Variants in EPB41 observed in about 807,000 individuals in gnomAD.
EPB41 encodes the protein erythrocyte membrane protein band 4.1, also known as protein 4.1.
In EPB41, 65 loss-of-function variants were observed where a neutral mutation model predicts 108.0. The observed-to-expected ratio is 0.60, with a 90% CI of 0.49 to 0.74. The LOEUF (loss-of-function observed/expected upper bound fraction) is 0.74, where lower values mean the gene tolerates loss of function less well. Ranked by LOEUF, EPB41 falls within the 30% of genes least tolerant of loss-of-function variation. The pLI is 0.00. For missense variants in EPB41, 875 were observed against 1,037.0 expected, an observed-to-expected ratio of 0.84 and a Z score of 2.15; for synonymous variants, 336 against 358.9, an observed-to-expected ratio of 0.94 and a Z score of 0.72.
At chr1:29,104,446 G>C (rs182737304) in intron 17 of EPB41, among the ~76,000 whole-genome samples, 74 of 152,160 alleles carry the variant, frequency 4.9e-4, no homozygotes, top group Middle Eastern at 6.8e-3. Flanking sequence ...ACAGGGTCTC[G>C]CACTGTTGCC....
intron 12 of EPB41, among the ~76,000 whole-genome samples, chr1:29,054,693 T>TA (rs1019417593): frequency 2.6e-5 from 4 of 151,544 alleles, no homozygotes; most frequent in Non-Finnish European, 5.9e-5. Context: ...CTACAAAAAA[T>TA]AAAAAAACTA....
chr1:29,011,945 T>G, intron 5 of EPB41, 38 bp downstream of exon 5: 1 of 1,608,280 alleles, frequency 6.2e-7, no homozygotes, highest in East Asian at 2.2e-5. Context: ...TCTTTCTTTC[T>G]TTTAGTAGGT....
rs1042241678 is a variant in EPB41, at chr1:28,982,527, G to A, written c.-7-4904G>A. ...GGCAATCTGAGGTGCTATCATCAAT[G>A]TTCTTCACGATGACGGCTTTGCATC... On this transcript the variant is annotated intron_variant, in intron 1 of 20. Transcript: ENST00000343067. 3 of 1,078,164 alleles carry A rather than the reference G, an allele frequency of 2.8e-6. No individual in the cohort carries two copies. The African/African-American group carries it at 4.7e-5, about 17-fold the overall frequency. 66.8% of individuals were successfully genotyped at this position (1,078,164 alleles called of 1,614,324 possible).
intron 1 of EPB41, among the ~76,000 whole-genome samples, chr1:28,983,070 AGATATTATCAATG>A (rs2095795984): frequency 6.6e-6 from 1 of 152,202 alleles, no homozygotes; most frequent in African/African-American, 2.4e-5. Flanking sequence ...TGTGGCACAG[AGATATTATCAATG>A]GAGATACCCA....
chr1:28,993,332 T>C lies in EPB41; in HGVS notation c.471T>C (p.Pro157=). 6.2e-7 allele frequency: 1 copy of C among 1,612,356 alleles called. No homozygotes were observed. Among genetic ancestry groups the C allele is most frequent in the Non-Finnish European group, 8.5e-7 (1 of 1,179,862 alleles). The part of the protein sequence containing the change: ...LHSLSSAETQ[P]AQEELREDPD... Reference sequence around the variant, plus strand: ...TTGGCGATGTCATGGATATGTAGCCTGCTCAGGAAGAACTCAGAGAAGATC... The same window carrying C: ...TTGGCGATGTCATGGATATGTAGCCCGCTCAGGAAGAACTCAGAGAAGATC... The change falls in exon 3 of 21, where the codon CCT becomes CCC. Residue 157 remains proline, a splice_region_variant and synonymous_variant. Coordinates refer to ENST00000343067, the MANE Select transcript of EPB41 (RefSeq NM_001376013.1).
intron 18 of EPB41, 23 bp from the exon 19 acceptor site, chr1:29,112,345 T>A: frequency 6.3e-7 from 1 of 1,587,316 alleles, no homozygotes; most frequent in Non-Finnish European, 8.7e-7. Flanking sequence ...TGATCTCATA[T>A]GACATCTTCT....
intron 11 of EPB41, among the ~76,000 whole-genome samples, chr1:29,042,381 A>G (rs748429385): frequency 1.3e-5 from 2 of 152,206 alleles, no homozygotes; most frequent in Non-Finnish European, 2.9e-5. Flanking sequence ...TAGAGGAATC[A>G]GGAAGGGGTC....
chr1:28,937,190 T>C (rs1208066268), intron 1 of EPB41, among the ~76,000 whole-genome samples: 1 of 152,256 alleles, frequency 6.6e-6, no homozygotes, highest in African/African-American at 2.4e-5. Flanking sequence ...TTTCATGTGC[T>C]ATTGGCCATT....
intron 1 of EPB41, among the ~76,000 whole-genome samples, chr1:28,948,505 C>CAAAAAAA (rs34508731): frequency 1.1e-4 from 10 of 90,994 alleles, no homozygotes; most frequent in East Asian, 3.1e-4. Flanking sequence ...GACTCCGTAT[C>CAAAAAAA]AAAAAAAAAA....
chr1:28,887,320 GGGTCGAA>G lies in EPB41; in HGVS notation c.-8+113_-8+119del. On this transcript the variant is annotated intron_variant, in intron 1 of 16. Transcript: ENST00000347529. The surrounding 1 kb of genome is among the most constrained non-coding windows in gnomAD (Gnocchi z 4.9). ...GACCGTCCCGGGAGAGGCGAGACCA[GGGTCGAA>G]GGGTCCAGGGCTGAGGGGTCCAGCG... 1 of 1,199,848 alleles carries G rather than the reference GGGTCGAA, an allele frequency of 8.3e-7. No individual in the cohort carries two copies. Among genetic ancestry groups the G allele is most frequent in the South Asian group, 1.5e-5 (1 of 67,944 alleles). 74.3% of individuals were successfully genotyped at this position (1,199,848 alleles called of 1,614,324 possible).
intron 1 of EPB41, among the ~76,000 whole-genome samples, chr1:28,974,390 T>TCA (rs1436617407): frequency 6.6e-6 from 1 of 152,212 alleles, no homozygotes; most frequent in African/African-American, 2.4e-5. Context: ...GTCAAGGACT[T>TCA]AAGATCCTTT....
At chr1:29,003,956 T>C (rs566643971) in intron 4 of EPB41, among the ~76,000 whole-genome samples, 14 of 152,170 alleles carry the variant, frequency 9.2e-5, no homozygotes, top group African/African-American at 3.4e-4. Flanking sequence ...ATAGACAGAG[T>C]TTCACCATGT....
chr1:29,094,995 G>C (rs546786375), intron 16 of EPB41, among the ~76,000 whole-genome samples: 34 of 152,168 alleles, frequency 2.2e-4, no homozygotes, highest in African/African-American at 7.5e-4. Flanking sequence ...TAAATGCTAT[G>C]TAAATAGTTG....
At chr1:29,024,407 G>A (rs1402375443) in intron 7 of EPB41, among the ~76,000 whole-genome samples, 1 of 151,756 alleles carries the variant, frequency 6.6e-6, no homozygotes, top group African/African-American at 2.4e-5. Context: ...GCTGAGGCAG[G>A]TGGATCACGA....
At position 28,969,279 on chromosome 1, in the gene EPB41, C is replaced by T. The variant is rs528219184; in HGVS notation, c.-7-18152C>T. On this transcript the variant is annotated intron_variant, in intron 1 of 20. Transcript: ENST00000343067. ...TTTGTATTTTTAATAGAGACAGGGT[C>T]TCACCATGTTGACCAGGCTAGTCTC... 2.0e-5 allele frequency among the ~76,000 whole-genome samples: 3 copies of T among 151,758 alleles called. No individual in the cohort carries two copies. The East Asian group carries it at 6.0e-4, about 30-fold the overall frequency.
intron 2 of EPB41, chr1:28,989,306 C>A: frequency 2.6e-6 from 2 of 772,394 alleles, no homozygotes; most frequent in Non-Finnish European, 3.1e-6. Context: ...AATGGGAAAA[C>A]ATTAGTACTG....
At chr1:29,048,036 G>A (rs1643828304) in intron 11 of EPB41, among the ~76,000 whole-genome samples, 1 of 151,792 alleles carries the variant, frequency 6.6e-6, no homozygotes, top group Non-Finnish European at 1.5e-5. Context: ...TACCTGCTTC[G>A]GCCTCCCAAA....
At chr1:28,897,405 C>T (rs2090781208) in intron 1 of EPB41, among the ~76,000 whole-genome samples, 1 of 151,804 alleles carries the variant, frequency 6.6e-6, no homozygotes, top group Non-Finnish European at 1.5e-5. Flanking sequence ...CAAAAATCAG[C>T]TGGGCGTTGT....
intron 1 of EPB41, among the ~76,000 whole-genome samples, chr1:28,944,623 G>T (rs1405982120): frequency 7.5e-6 from 1 of 134,200 alleles, no homozygotes; most frequent in Non-Finnish European, 1.5e-5. Context: ...TTCAACCTCC[G>T]CCTCCTGGGT....
Sources: allele counts gnomAD v4.1 joint callset (sites outside exome capture counted in the v4.1 genomes callset), GRCh38; gene constraint gnomAD v4.1.1; non-coding constraint Gnocchi (gnomAD v3.1); transcripts MANE v1.5; gene names NCBI Gene and HGNC (gene_info 2026-07-23, HGNC 2026-07-21).